PCNX1: variants seen among roughly 807,000 people sequenced by gnomAD.
PCNX1 encodes the protein pecanex-like protein 1.
A neutral mutation model predicts 242.2 loss-of-function variants in PCNX1; 78 were observed. The ratio of observed to expected loss-of-function variants is 0.32; its 90% CI spans 0.27 to 0.39. The LOEUF is 0.39. Among genes scored for constraint, PCNX1 ranks in the 10% least tolerant of loss-of-function variants. The probability of loss-of-function intolerance (pLI) is 1.00; values close to 1 mark genes in which losing one functional copy is unlikely to be tolerated. For missense variants in PCNX1, 2,581 were observed against 2,856.5 expected (o/e 0.90, Z 2.20); for synonymous variants, 1,024 against 1,032.9 (o/e 0.99, Z 0.17).
At chr14:70,997,313 ATAG>A (rs796784771) in intron 8 of PCNX1, among the ~76,000 whole-genome samples, 33 of 152,294 alleles carry the variant, frequency 2.2e-4, no homozygotes, top group South Asian at 1.2e-3. Flanking sequence ...CATTGGCTTT[ATAG>A]TAGTAGATCA....
At chr14:70,980,206 T>C (rs896043691) in intron 6 of PCNX1, among the ~76,000 whole-genome samples, 1 of 152,124 alleles carries the variant, frequency 6.6e-6, no homozygotes, top group Non-Finnish European at 1.5e-5. Context: ...CATGCGTTTA[T>C]ATTTAAAATG....
At chr14:71,035,967 C>CA in intron 18 of PCNX1, 98 bp from the exon 19 acceptor site, 5 of 770,538 alleles carry the variant, frequency 6.5e-6, no homozygotes, top group Non-Finnish European at 1.1e-5. Flanking sequence ...GCTAGCCAGG[C>CA]AAAAAATTAA....
chr14:70,962,078 C>G (rs191796386), intron 2 of PCNX1, 148 bp from the exon 3 acceptor site: 157 of 590,648 alleles, frequency 2.7e-4, no homozygotes, highest in Non-Finnish European at 3.7e-4. Flanking sequence ...GAAGAATGAT[C>G]GTTGTTTACC....
chr14:71,092,122 G>A (rs772232682), intron 30 of PCNX1, among the ~76,000 whole-genome samples: 9 of 152,202 alleles, frequency 5.9e-5, no homozygotes, highest in African/African-American at 1.2e-4. Context: ...GATATGTGCC[G>A]TAGATTGAGG....
intron 2 of PCNX1, among the ~76,000 whole-genome samples, chr14:70,961,940 G>A (rs2058230142): frequency 6.6e-6 from 1 of 152,024 alleles, no homozygotes; most frequent in South Asian, 2.1e-4. Flanking sequence ...TATTTAGTAT[G>A]CTATAATTGT....
intron 9 of PCNX1, among the ~76,000 whole-genome samples, 174 bp from the exon 10 acceptor site, chr14:71,011,318 T>G (rs1566696062): frequency 6.6e-6 from 1 of 152,194 alleles, no homozygotes; most frequent in African/African-American, 2.4e-5. Context: ...GGAAGAGATT[T>G]GAATGTAGTC....
In PCNX1 at chr14:71,045,150, G is replaced by A; in HGVS notation, c.3885G>A (p.Val1295=). The A allele has an allele frequency of 1.2e-6, 2 of 1,609,346 alleles. No homozygotes were observed. Among genetic ancestry groups the A allele is most frequent in the African/African-American group, 1.3e-5 (1 of 74,690 alleles). The part of the protein sequence containing the change: ...FTVLQPALKY[V]LYTLVGFVGF... Reference sequence around the variant, plus strand: ...TTTTTTAGCCTGCCCTCAAGTATGTGTTGTATACATTGGTTGGCTTTGTGG... The same window carrying A: ...TTTTTTAGCCTGCCCTCAAGTATGTATTGTATACATTGGTTGGCTTTGTGG... The change falls in exon 20 of 36, where the codon GTG becomes GTA. Residue 1295 remains valine, a synonymous_variant. Transcript: ENST00000304743.
Position 71,098,137 on chromosome 14 carries a change from T to C in PCNX1, c.5590-3853T>C, listed in dbSNP as rs564694426. ...TTCTGGGTTCTTCATTCTGTTCCAT[T>C]GGTCTGTATGTCTGTCTTTTACCAG... On this transcript the variant is annotated intron_variant, in intron 30 of 35. Transcript: ENST00000304743. 1.4e-4 allele frequency among the ~76,000 whole-genome samples: 21 copies of C among 152,198 alleles called. 1 individual carries two copies. The highest frequency in any genetic ancestry group is 5.1e-4 in the African/African-American group (21 of 41,448).
At chr14:70,982,817 A>G (rs932590053) in intron 6 of PCNX1, among the ~76,000 whole-genome samples, 3 of 152,200 alleles carry the variant, frequency 2.0e-5, no homozygotes, top group Non-Finnish European at 2.9e-5. Context: ...TCCAACGGTT[A>G]CATTTTCATA....
At chr14:71,102,254 A>G (rs1281462981) in intron 31 of PCNX1, 34 bp downstream of exon 31, 2 of 1,513,700 alleles carry the variant, frequency 1.3e-6, no homozygotes, top group Non-Finnish European at 1.8e-6. Flanking sequence ...GGTCCAAAAC[A>G]TAGAAGTTGA....
Position 71,070,615 on chromosome 14 carries a change from C to T in PCNX1, c.4853-2930C>T, listed in dbSNP as rs188256618. Reference sequence around the variant, plus strand: ...GAGTAGTAATATTTGGAAAGGAATCCTTTTTTTGGAGCAGAAGGTCTGAAC... The same window carrying T: ...GAGTAGTAATATTTGGAAAGGAATCTTTTTTTTGGAGCAGAAGGTCTGAAC... On this transcript the variant is annotated intron_variant, in intron 26 of 35. Transcript: ENST00000304743. 2.3e-3 allele frequency among the ~76,000 whole-genome samples: 344 copies of T among 152,218 alleles called. 1 individual carries two copies. Among genetic ancestry groups the T allele is most frequent in the African/African-American group, 8.0e-3 (331 of 41,548 alleles).
rs574191667 is a variant in PCNX1, at chr14:70,952,870, A to G, written c.362+5747A>G. 7.2e-5 allele frequency among the ~76,000 whole-genome samples: 11 copies of G among 152,264 alleles called. No homozygotes were observed. The South Asian group carries it at 2.1e-3, about 29-fold the overall frequency. On this transcript the variant is annotated intron_variant, in intron 2 of 35. Coordinates refer to ENST00000304743, the MANE Select transcript of PCNX1 (RefSeq NM_014982.3). ...AATGATTTTACCAGTTTATACTCTC[A>G]CCGGTAGTGTATGAAAGTCCTTATT...
At chr14:70,998,487 A>G (rs542224676) in intron 8 of PCNX1, among the ~76,000 whole-genome samples, 2 of 152,252 alleles carry the variant, frequency 1.3e-5, no homozygotes, top group African/African-American at 4.8e-5. Context: ...TCGGTGGCTC[A>G]TGCCTGTACT....
intron 5 of PCNX1, 96 bp from the exon 6 acceptor site, chr14:70,976,846 T>C (rs1566645752): frequency 6.8e-6 from 7 of 1,030,708 alleles, no homozygotes; most frequent in Non-Finnish European, 1.0e-5. Flanking sequence ...TATTTATACT[T>C]GATTTACTGT....
At chr14:70,976,369 TTTC>T (rs200387861) in intron 5 of PCNX1, among the ~76,000 whole-genome samples, 2,211 of 142,830 alleles carry the variant, frequency 0.015, 23 homozygotes, top group Admixed American at 0.024. Context: ...TCTTTCTTTC[TTTC>T]TTTTTTTTTT....
chr14:70,923,637 A>G (rs1439206576), intron 1 of PCNX1, among the ~76,000 whole-genome samples: 1 of 152,170 alleles, frequency 6.6e-6, no homozygotes, highest in African/African-American at 2.4e-5. Context: ...CCTCTCCCCT[A>G]CCATACTAGT....
chr14:70,976,980 A>G lies in PCNX1; in HGVS notation c.643A>G (p.Asn215Asp), dbSNP rs1160515178. The G allele has an allele frequency of 6.2e-7, 1 of 1,613,858 alleles. No individual in the cohort carries two copies. Among genetic ancestry groups the G allele is most frequent in the Admixed American group, 1.7e-5 (1 of 59,984 alleles). ...ADRKLFRLVS[N>D]DSFISIQPSL... ...TCGGAAGCTCTTTCGTCTTGTCTCC[A>G]ATGACTCCTTCATCTCTATTCAGCC... The change falls in exon 6 of 36, where the codon AAT (asparagine) becomes GAT (aspartate). Residue 215 changes from asparagine (N) to aspartate (D), a missense_variant. By Grantham distance (23) the Asn-to-Asp change is conservative. Transcript: ENST00000304743.
At chr14:70,924,263 CAG>C (rs1360796915) in intron 1 of PCNX1, among the ~76,000 whole-genome samples, 3 of 143,306 alleles carry the variant, frequency 2.1e-5, no homozygotes, top group African/African-American at 7.7e-5. Context: ...AAAGAAAAAA[CAG>C]AAAAAAACCT....
At chr14:71,039,208 AACTT>A (rs1043749212) in intron 19 of PCNX1, among the ~76,000 whole-genome samples, 1 of 152,044 alleles carries the variant, frequency 6.6e-6, no homozygotes, top group Admixed American at 6.6e-5. Context: ...CGTACCCTAA[AACTT>A]AAAGTATAAT....
Sources: gnomAD v4.1 joint callset for allele counts (sites outside exome capture counted in the v4.1 genomes callset) on GRCh38, gnomAD v4.1.1 for gene constraint, MANE v1.5 for transcripts, NCBI Gene and HGNC (gene_info 2026-07-23, HGNC 2026-07-21) for gene names.